The following LPAR3 variants were observed in gnomAD, a reference collection of about 807,000 sequenced individuals.
LPAR3 encodes the protein lysophosphatidic acid receptor 3.
Under a neutral mutation model 17.8 loss-of-function variants are expected in LPAR3, and 7 were observed. The ratio of observed to expected loss-of-function variants is 0.39; its 90% confidence interval spans 0.22 to 0.74. The LOEUF is 0.74. Among genes scored for constraint, LPAR3 ranks in the 30% least tolerant of loss-of-function variants. The pLI, the probability that LPAR3 is intolerant of heterozygous loss-of-function variation, is 0.40. For missense variants in LPAR3, 391 were observed against 453.4 expected (o/e 0.86, Z 1.25); for synonymous variants, 179 against 179.9 (o/e 0.99, Z 0.04).
intron 2 of LPAR3, among the ~76,000 whole-genome samples, chr1:84,814,898 G>A (rs912445009): frequency 3.3e-5 from 5 of 152,084 alleles, no homozygotes; most frequent in Admixed American, 1.3e-4. Context: ...AATATGAACC[G>A]TAGTCTCTTC....
At chr1:84,841,853 T>C (rs1168953269) in intron 2 of LPAR3, among the ~76,000 whole-genome samples, 2 of 152,256 alleles carry the variant, frequency 1.3e-5, no homozygotes, top group East Asian at 3.9e-4. Flanking sequence ...TTGAATGATA[T>C]AAGGGTTGGC....
chr1:84,860,404 C>CA (rs1275404321), intron 2 of LPAR3, among the ~76,000 whole-genome samples: 1 of 152,202 alleles, frequency 6.6e-6, no homozygotes, highest in African/African-American at 2.4e-5. Context: ...TATTTGTACT[C>CA]TGTGGGGCCT....
intron 2 of LPAR3, among the ~76,000 whole-genome samples, chr1:84,864,329 G>A (rs1200615805): frequency 6.6e-6 from 1 of 152,148 alleles, no homozygotes; most frequent in African/African-American, 2.4e-5. Context: ...TATGCCAGGG[G>A]TTGCAAATTT....
intron 1 of LPAR3, among the ~76,000 whole-genome samples, chr1:84,867,291 G>C (rs771588440): frequency 6.6e-6 from 1 of 152,202 alleles, no homozygotes; most frequent in Non-Finnish European, 1.5e-5. Context: ...TGGGCTTAGG[G>C]TCAGGGTTCT....
intron 2 of LPAR3, among the ~76,000 whole-genome samples, chr1:84,837,609 A>ATATG (rs1349466318): frequency 6.6e-5 from 10 of 152,236 alleles, no homozygotes; most frequent in Non-Finnish European, 1.3e-4. Context: ...TCTTTATTAT[A>ATATG]TATGTTATTA....
At chr1:84,854,537 G>C (rs1259340401) in intron 2 of LPAR3, among the ~76,000 whole-genome samples, 2 of 152,178 alleles carry the variant, frequency 1.3e-5, no homozygotes, top group African/African-American at 4.8e-5. Context: ...TATCTCTCAT[G>C]TGACACAACC....
chr1:84,869,819 G>A (rs1365505965), intron 1 of LPAR3, among the ~76,000 whole-genome samples: 1 of 152,144 alleles, frequency 6.6e-6, no homozygotes, highest in East Asian at 1.9e-4. Context: ...TCAAAGATTT[G>A]CATATGTTCA....
intron 1 of LPAR3, among the ~76,000 whole-genome samples, chr1:84,878,550 T>A (rs1419688567): frequency 6.6e-6 from 1 of 152,114 alleles, no homozygotes; most frequent in Admixed American, 6.5e-5. Flanking sequence ...CACTTGCATG[T>A]CAGGAACCCA....
In LPAR3 at chr1:84,820,911, G is replaced by C. The variant is rs1475112087; in HGVS notation, c.737-6740C>G. Among the ~76,000 whole-genome samples the C allele has an allele frequency of 2.0e-5, 3 of 152,086 alleles. No individual in the cohort carries two copies. In the East Asian group the frequency reaches 5.8e-4, roughly 29 times the overall value. ...TTCAGTGGGTTGTGAAATCAATTTA[G>C]TGAGTTGCAACCAGCGATTTTTTAA... On this transcript the variant is annotated intron_variant, in intron 2 of 2. Coordinates refer to ENST00000370611, the MANE Select transcript of LPAR3 (RefSeq NM_012152.3).
At chr1:84,876,802 T>G (rs1273947756) in intron 1 of LPAR3, among the ~76,000 whole-genome samples, 1 of 152,198 alleles carries the variant, frequency 6.6e-6, no homozygotes, top group Non-Finnish European at 1.5e-5. Context: ...AATGATCTAG[T>G]ACACTTTTCC....
intron 2 of LPAR3, among the ~76,000 whole-genome samples, chr1:84,819,062 G>A (rs1056029992): frequency 2.6e-5 from 4 of 152,124 alleles, no homozygotes; most frequent in Admixed American, 2.0e-4. Flanking sequence ...GTTTAACAAA[G>A]TATAAAGTTG....
At chr1:84,864,653 G>A (rs1452314512) in intron 2 of LPAR3, among the ~76,000 whole-genome samples, 3 of 151,934 alleles carry the variant, frequency 2.0e-5, no homozygotes, top group East Asian at 3.9e-4. Flanking sequence ...ATGGTGGTGC[G>A]CTGCCTGTAA....
chr1:84,824,575 T>A (rs570673135), intron 2 of LPAR3, among the ~76,000 whole-genome samples: 1 of 152,308 alleles, frequency 6.6e-6, no homozygotes, highest in African/African-American at 2.4e-5. Flanking sequence ...ATCACCTTCC[T>A]GGGCCTCCAT....
At position 84,816,919 on chromosome 1, in the gene LPAR3, GA is replaced by G. The variant is rs1658943127; in HGVS notation, c.737-2749del. On this transcript the variant is annotated intron_variant, in intron 2 of 2. Coordinates refer to ENST00000370611, the MANE Select transcript of LPAR3 (RefSeq NM_012152.3). ...TGTGTGATCCTCTGCAATAGCCCAG[GA>G]AAAGTCTGTGCTTTCTCTATGTGAT... Among the ~76,000 whole-genome samples, 5 of 152,294 alleles carry G rather than the reference GA, an allele frequency of 3.3e-5. No individual in the cohort carries two copies. The South Asian group carries it at 1.0e-3, about 32-fold the overall frequency.
chr1:84,826,945 G>C (rs555689105), intron 2 of LPAR3, among the ~76,000 whole-genome samples: 1 of 151,960 alleles, frequency 6.6e-6, no homozygotes, highest in Non-Finnish European at 1.5e-5. Flanking sequence ...AGATTTCTAC[G>C]GCAAGAAACA....
chr1:84,857,325 T>C (rs1300627460), intron 2 of LPAR3, among the ~76,000 whole-genome samples: 1 of 152,182 alleles, frequency 6.6e-6, no homozygotes, highest in Non-Finnish European at 1.5e-5. Flanking sequence ...GTGTATTAAC[T>C]CATTGAATCC....
intron 2 of LPAR3, among the ~76,000 whole-genome samples, chr1:84,864,219 A>C (rs1029769976): frequency 2.8e-5 from 4 of 144,244 alleles, no homozygotes; most frequent in African/African-American, 1.0e-4. Flanking sequence ...CTCAAAAAAA[A>C]AAAAACAAAA....
At chr1:84,861,537 T>G (rs1364241835) in intron 2 of LPAR3, among the ~76,000 whole-genome samples, 1 of 152,260 alleles carries the variant, frequency 6.6e-6, no homozygotes, top group Non-Finnish European at 1.5e-5. Context: ...TGCCACCTGA[T>G]GAGGGAATCT....
chr1:84,816,729 C>A (rs975274767), intron 2 of LPAR3, among the ~76,000 whole-genome samples: 1 of 152,140 alleles, frequency 6.6e-6, no homozygotes, highest in African/African-American at 2.4e-5. Context: ...ACCCAGGAGG[C>A]GAAGTTGCAG....
Sources: gnomAD v4.1 joint callset for allele counts (sites outside exome capture counted in the v4.1 genomes callset) on GRCh38, gnomAD v4.1.1 for gene constraint, MANE v1.5 for transcripts, NCBI Gene and HGNC (gene_info 2026-07-23, HGNC 2026-07-21) for gene names.